TPRG1: variants seen among roughly 807,000 people sequenced by gnomAD.
TPRG1 encodes tumor protein p63-regulated gene 1 protein.
TPRG1 carries 29 observed loss-of-function variants against 29.3 expected under a neutral mutation model. The observed-to-expected ratio is 0.99, with a 90% CI of 0.74 to 1.35. The LOEUF is 1.35. Ranked by LOEUF, TPRG1 falls within the 40% of genes most tolerant of loss-of-function variation. TPRG1 has a pLI of 0.00. For missense variants in TPRG1, 327 were observed against 335.0 expected (o/e 0.98, Z 0.19); for synonymous variants, 130 against 116.8 (o/e 1.11, Z -0.73).
intron 4 of TPRG1, among the ~76,000 whole-genome samples, chr3:189,050,456 C>CA (rs1160990257): frequency 6.6e-6 from 1 of 151,814 alleles, no homozygotes; most frequent in African/African-American, 2.4e-5. Context: ...AAATTACCAA[C>CA]AAAAAAAATT....
chr3:189,245,182 A>G (rs372065906), intron 4 of TPRG1, among the ~76,000 whole-genome samples: 1 of 152,164 alleles, frequency 6.6e-6, no homozygotes, highest in African/African-American at 2.4e-5. Context: ...TTGGCCTCTC[A>G]AAGTACTGGG....
Position 189,215,316 on chromosome 3 carries a change from G to T in TPRG1, c.235G>T (p.Glu79Ter). ...GCCGGGGGCCATTGAGACTGCCATG[G>T]AAGACTTGAAAGGTCACGTAGCTGA... ...TRPGAIETAM[E>*]DLKGHVAETS... Residue 79 changes from glutamate to a stop codon, truncating the protein, a stop_gained, in exon 3 of 6, where the codon GAA becomes TAA. Coordinates refer to ENST00000345063, the MANE Select transcript of TPRG1 (RefSeq NM_198485.4). LOFTEE classifies it high-confidence loss of function. 1 of 1,612,540 alleles carries T rather than the reference G, an allele frequency of 6.2e-7. No individual in the cohort carries two copies. The highest frequency in any genetic ancestry group is 2.2e-5 in the East Asian group (1 of 44,820).
intron 1 of TPRG1, among the ~76,000 whole-genome samples, chr3:189,190,695 T>C (rs1731560818): frequency 6.6e-6 from 1 of 152,158 alleles, no homozygotes. Context: ...AAAAATTGTG[T>C]AGAGTAAGCA....
chr3:189,169,592 A>T (rs1159586575), upstream of TPRG1, among the ~76,000 whole-genome samples: 1 of 152,236 alleles, frequency 6.6e-6, no homozygotes, highest in Admixed American at 6.5e-5. Flanking sequence ...CTCTACTGGG[A>T]GATCTGTACA....
intron 4 of TPRG1, among the ~76,000 whole-genome samples, chr3:189,147,886 G>A (rs928234281): frequency 6.6e-6 from 1 of 152,198 alleles, no homozygotes; most frequent in Non-Finnish European, 1.5e-5. Flanking sequence ...GTGGGTGGTC[G>A]TTCTTCCCAA....
At chr3:189,198,613 G>A (rs1433753746) in intron 1 of TPRG1, among the ~76,000 whole-genome samples, 1 of 152,228 alleles carries the variant, frequency 6.6e-6, no homozygotes, top group African/African-American at 2.4e-5. Context: ...CCAAGGAACA[G>A]GCAGGGTATC....
At chr3:189,079,965 C>G (rs891054930) in intron 4 of TPRG1, among the ~76,000 whole-genome samples, 1 of 152,010 alleles carries the variant, frequency 6.6e-6, no homozygotes, top group South Asian at 2.1e-4. Flanking sequence ...TTTTTTGTGC[C>G]CTCCCTCCAA....
chr3:189,065,836 C>G (rs1716403491), intron 4 of TPRG1, among the ~76,000 whole-genome samples: 1 of 151,734 alleles, frequency 6.6e-6, no homozygotes, highest in Non-Finnish European at 1.5e-5. Context: ...AAAAAAGGCA[C>G]ACAGATTGGA....
chr3:189,264,410 T>G (rs2109053227), intron 4 of TPRG1, among the ~76,000 whole-genome samples: 1 of 152,264 alleles, frequency 6.6e-6, no homozygotes, highest in East Asian at 1.9e-4. Flanking sequence ...TAGACCAAAG[T>G]TGGTGTTTGA....
rs1381068656 is a variant in TPRG1, at chr3:189,312,101, C to G, written c.633+1562C>G. On this transcript the variant is annotated intron_variant, in intron 5 of 5. Transcript: ENST00000345063. The stretch of plus-strand genomic sequence containing the variant: ...TTTATGTTTCTTTCTTTCTTTGTTT[C>G]TTTGTTTCTTTCTTTGTTTCTTTCT... Among the ~76,000 whole-genome samples the G allele has an allele frequency of 2.5e-3, 154 of 62,780 alleles. 5 individuals are homozygous for G. Among genetic ancestry groups the G allele is most frequent in the African/African-American group, 9.3e-3 (139 of 14,982 alleles). The allele number at this position is 62,780 out of a possible 152,430, so 41.2% of individuals were successfully genotyped here.
chr3:189,144,287 G>A (rs1490421947), intron 3 of TPRG1, among the ~76,000 whole-genome samples: 1 of 152,178 alleles, frequency 6.6e-6, no homozygotes, highest in Non-Finnish European at 1.5e-5. Context: ...GGACTTCAGA[G>A]ATCCACATAA....
At chr3:189,024,024 C>G (rs999064983) in intron 4 of TPRG1, 21 of 152,352 alleles carry the variant, frequency 1.4e-4, no homozygotes, top group Admixed American at 1.4e-3. Flanking sequence ...GGTAGAGCAG[C>G]TTTGCTGTGT....
chr3:189,316,569 T>G (rs1440935548), intron 5 of TPRG1, among the ~76,000 whole-genome samples: 2 of 152,280 alleles, frequency 1.3e-5, no homozygotes, highest in East Asian at 3.9e-4. Context: ...GGCAATGAAC[T>G]GTTGGCAGAC....
At chr3:189,156,460 T>C (rs1262083211) in intron 5 of TPRG1, among the ~76,000 whole-genome samples, 1 of 152,164 alleles carries the variant, frequency 6.6e-6, no homozygotes, top group South Asian at 2.1e-4. Flanking sequence ...GAGTCAGTGA[T>C]GTTTACCCAT....
At chr3:189,283,689 T>A (rs1439703191) in intron 4 of TPRG1, among the ~76,000 whole-genome samples, 1 of 152,214 alleles carries the variant, frequency 6.6e-6, no homozygotes, top group Non-Finnish European at 1.5e-5. Context: ...AAACATTTGT[T>A]AAATCTACAT....
At chr3:189,073,596 C>A (rs1716936582) in intron 4 of TPRG1, among the ~76,000 whole-genome samples, 1 of 152,088 alleles carries the variant, frequency 6.6e-6, no homozygotes, top group South Asian at 2.1e-4. Flanking sequence ...CTTTCTCATG[C>A]TCGTTGATTT....
chr3:189,138,765 C>T (rs1297941415), intron 3 of TPRG1, among the ~76,000 whole-genome samples: 1 of 152,144 alleles, frequency 6.6e-6, no homozygotes, highest in Admixed American at 6.5e-5. Flanking sequence ...TCTATCACAG[C>T]TTTGTGTCTG....
intron 3 of TPRG1, among the ~76,000 whole-genome samples, chr3:189,020,805 T>A (rs1184403442): frequency 1.2e-5 from 1 of 82,356 alleles, no homozygotes; most frequent in Non-Finnish European, 2.6e-5. Flanking sequence ...TCTGTCTCGT[T>A]GATCTGTCTA....
chr3:189,005,532 T>C (rs1712244311), intron 3 of TPRG1, among the ~76,000 whole-genome samples: 2 of 152,110 alleles, frequency 1.3e-5, no homozygotes, highest in African/African-American at 4.8e-5. Context: ...TTTAGTAATT[T>C]AGGAAATTTT....
Sources: gnomAD v4.1 joint callset for allele counts (sites outside exome capture counted in the v4.1 genomes callset) on GRCh38, gnomAD v4.1.1 for gene constraint, MANE v1.5 for transcripts, NCBI Gene and HGNC (gene_info 2026-07-23, HGNC 2026-07-21) for gene names.